Variants in WWC1 observed in about 807,000 individuals in gnomAD.
WWC1 encodes the protein WW and C2 domain containing 1, also known as protein KIBRA.
In WWC1, 55 loss-of-function variants were observed where a neutral mutation model predicts 138.4. The observed-to-expected ratio is 0.40, with a 90% CI of 0.32 to 0.50. WWC1 has a LOEUF of 0.50. WWC1 is among the 20% of genes least tolerant of loss of function. The pLI is 0.72. For synonymous variants in WWC1, 524 were observed against 564.9 expected, an observed-to-expected ratio of 0.93 and a Z score of 1.03; for missense variants, 1,226 against 1,420.4, an observed-to-expected ratio of 0.86 and a Z score of 2.20.
intron 1 of WWC1, among the ~76,000 whole-genome samples, chr5:168,351,008 G>A (rs1191240219): frequency 2.0e-5 from 3 of 152,092 alleles, no homozygotes; most frequent in Non-Finnish European, 2.9e-5. Context: ...TTAGCCGGGC[G>A]TGGTGGTGCA....
chr5:168,355,226 G>T (rs535454835), intron 1 of WWC1, among the ~76,000 whole-genome samples: 1 of 152,232 alleles, frequency 6.6e-6, no homozygotes, highest in East Asian at 1.9e-4. Context: ...GGGCGTGGTG[G>T]CTCACGCCTG....
At position 168,326,852 on chromosome 5, in the gene WWC1, TATTTCGC is replaced by T. The variant is rs1281575495; in HGVS notation, c.119+34586_119+34592del. Among the ~76,000 whole-genome samples, 10 of 152,284 alleles carry T rather than the reference TATTTCGC, an allele frequency of 6.6e-5. No individual in the cohort carries two copies. In the East Asian group the frequency reaches 1.7e-3, roughly 26 times the overall value. On this transcript the variant is annotated intron_variant, in intron 1 of 22. Transcript: ENST00000265293. ...CGTGCCCGGCCGGACCGGATAGTCT[TATTTCGC>T]ATTTGTAGAAACCTAGAACAAAAAT...
At chr5:168,366,952 C>CA (rs1324168064) in intron 1 of WWC1, among the ~76,000 whole-genome samples, 4 of 151,160 alleles carry the variant, frequency 2.6e-5, no homozygotes, top group Admixed American at 6.6e-5. Context: ...TGCCTGCCAC[C>CA]ATGCCCAGCT....
chr5:168,451,943 T>G (rs1049948462), intron 17 of WWC1, among the ~76,000 whole-genome samples: 1 of 141,736 alleles, frequency 7.1e-6, no homozygotes, highest in Non-Finnish European at 1.5e-5. Context: ...TCTCAGTCTG[T>G]CACCCAGGCT....
At chr5:168,343,130 T>C (rs1477109853) in intron 1 of WWC1, among the ~76,000 whole-genome samples, 3 of 148,028 alleles carry the variant, frequency 2.0e-5, no homozygotes, top group Non-Finnish European at 4.5e-5. Context: ...TTTACTTCCC[T>C]TTCACATTTG....
rs960301205 is a variant in WWC1 at position 168,461,095 on chromosome 5, G to A, written c.2916+353G>A. 3.9e-5 allele frequency among the ~76,000 whole-genome samples: 6 copies of A among 152,274 alleles called. No homozygotes were observed. In the South Asian group the frequency reaches 6.2e-4, roughly 16 times the overall value. ...TGTAATCCCAGCACTCTGGGAGGCC[G>A]AGGTAGGAGGATCACCTGAGGTCTG... is the stretch of plus-strand genomic sequence containing the variant. On this transcript the variant is annotated intron_variant, in intron 20 of 22. Transcript: ENST00000265293.
Position 168,402,513 on chromosome 5 carries a change from G to A in WWC1, c.590+2946G>A, listed in dbSNP as rs571606403. On this transcript the variant is annotated intron_variant, in intron 5 of 22. Coordinates refer to ENST00000265293, the MANE Select transcript of WWC1 (RefSeq NM_015238.3). ...TGGGCTGGGGTGGTGACCTCTAGCT[G>A]GTTGCCTGCTTGTATTGGGAAGGGA... Among the ~76,000 whole-genome samples, 8 of 152,284 alleles carry A rather than the reference G, an allele frequency of 5.3e-5. No homozygotes were observed. The South Asian group carries it at 1.5e-3, about 28-fold the overall frequency.
At chr5:168,320,603 ACT>A (rs1316648945) in intron 1 of WWC1, among the ~76,000 whole-genome samples, 4 of 152,006 alleles carry the variant, frequency 2.6e-5, no homozygotes, top group Non-Finnish European at 4.4e-5. Context: ...CATGTGTAAG[ACT>A]CTGTGTGTTT....
chr5:168,445,141 C>G (rs1755130548), intron 17 of WWC1, among the ~76,000 whole-genome samples: 1 of 151,742 alleles, frequency 6.6e-6, no homozygotes, highest in Non-Finnish European at 1.5e-5. Flanking sequence ...TGTTGAAACC[C>G]TGTCTCTACT....
At chr5:168,328,007 A>G (rs903620252) in intron 1 of WWC1, among the ~76,000 whole-genome samples, 12 of 152,364 alleles carry the variant, frequency 7.9e-5, no homozygotes, top group Middle Eastern at 3.4e-3. Flanking sequence ...GCTGCTGCTC[A>G]AAACAGAGTG....
At chr5:168,316,415 C>A (rs114835151) in intron 1 of WWC1, among the ~76,000 whole-genome samples, 1 of 152,262 alleles carries the variant, frequency 6.6e-6, no homozygotes, top group South Asian at 2.1e-4. Flanking sequence ...GAAGCTGGCT[C>A]GCTTATCTGC....
At chr5:168,400,409 A>G (rs530884839) in intron 5 of WWC1, among the ~76,000 whole-genome samples, 1 of 152,126 alleles carries the variant, frequency 6.6e-6, no homozygotes, top group South Asian at 2.1e-4. Context: ...TTTAGCTCCC[A>G]CTTATAAGTG....
intron 1 of WWC1, among the ~76,000 whole-genome samples, chr5:168,315,842 G>T (rs1299955990): frequency 1.3e-5 from 2 of 152,140 alleles, no homozygotes; most frequent in Non-Finnish European, 2.9e-5. Context: ...GCCAGAGGGC[G>T]AGCATCAGAC....
intron 7 of WWC1, among the ~76,000 whole-genome samples, chr5:168,408,875 C>T (rs551637207): frequency 6.6e-5 from 10 of 152,208 alleles, no homozygotes; most frequent in East Asian, 3.9e-4. Context: ...CACTGACGGA[C>T]GTCATGGCCC....
At chr5:168,377,709 G>T (rs1317439571) in intron 2 of WWC1, among the ~76,000 whole-genome samples, 1 of 152,186 alleles carries the variant, frequency 6.6e-6, no homozygotes, top group Non-Finnish European at 1.5e-5. Flanking sequence ...TCAGAGAAAT[G>T]CAAATCAAAA....
intron 2 of WWC1, among the ~76,000 whole-genome samples, chr5:168,378,453 A>G (rs576586600): frequency 6.6e-6 from 1 of 152,314 alleles, no homozygotes; most frequent in East Asian, 1.9e-4. Context: ...AAAATAAAAC[A>G]CATAATGGAA....
At chr5:168,434,363 A>G (rs1047916322) in intron 15 of WWC1, among the ~76,000 whole-genome samples, 3 of 106,518 alleles carry the variant, frequency 2.8e-5, no homozygotes, top group African/African-American at 4.4e-5. Context: ...GTGAGATGGG[A>G]GGAAAAAGGC....
intron 2 of WWC1, among the ~76,000 whole-genome samples, chr5:168,373,719 TAAAAA>T (rs368930085): frequency 3.8e-4 from 20 of 52,648 alleles, no homozygotes; most frequent in African/African-American, 1.3e-3. Context: ...CCTTGTCTCT[TAAAAA>T]AAAAAAAAAA....
At chr5:168,375,115 T>C (rs897541566) in intron 2 of WWC1, among the ~76,000 whole-genome samples, 3 of 152,022 alleles carry the variant, frequency 2.0e-5, no homozygotes, top group Non-Finnish European at 2.9e-5. Flanking sequence ...ACCTGGAGTT[T>C]AGGAGAGAGG....
Sources: allele counts gnomAD v4.1 joint callset (sites outside exome capture counted in the v4.1 genomes callset), GRCh38; gene constraint gnomAD v4.1.1; transcripts MANE v1.5; gene names NCBI Gene and HGNC (gene_info 2026-07-23, HGNC 2026-07-21).